Variants in ADCY3 observed in about 807,000 individuals in gnomAD.
The protein encoded by ADCY3 is adenylate cyclase type 3.
Under a neutral mutation model 119.4 loss-of-function variants are expected in ADCY3, and 70 were observed. The observed-to-expected ratio is 0.59, with a 90% CI of 0.48 to 0.72. The LOEUF is 0.72. Ranked by LOEUF, ADCY3 falls within the 30% of genes least tolerant of loss-of-function variation. The pLI, the probability that ADCY3 is intolerant of heterozygous loss-of-function variation, is 0.00. For missense variants in ADCY3, 1,238 were observed against 1,541.6 expected, an observed-to-expected ratio of 0.80 and a Z score of 3.30; for synonymous variants, 672 against 621.4, an observed-to-expected ratio of 1.08 and a Z score of -1.21.
chr2:24,879,175 T>C (rs1676072734), intron 2 of ADCY3, among the ~76,000 whole-genome samples: 1 of 152,044 alleles, frequency 6.6e-6, no homozygotes, highest in Non-Finnish European at 1.5e-5. Flanking sequence ...GCTGTTCCAG[T>C]AAGACTGAAA....
intron 3 of ADCY3, among the ~76,000 whole-genome samples, chr2:24,853,983 T>C (rs1672709063): frequency 1.3e-5 from 2 of 152,268 alleles, no homozygotes; most frequent in South Asian, 4.1e-4. Flanking sequence ...TGAATTCTTG[T>C]GATCCATTTC....
chr2:24,880,297 G>A (rs1428412833), intron 2 of ADCY3, among the ~76,000 whole-genome samples: 1 of 152,216 alleles, frequency 6.6e-6, no homozygotes, highest in African/African-American at 2.4e-5. Flanking sequence ...GCACTGCCAG[G>A]GGTGCCACTA....
intron 3 of ADCY3, among the ~76,000 whole-genome samples, chr2:24,860,587 G>A (rs1057504064): frequency 6.6e-5 from 10 of 152,226 alleles, no homozygotes; most frequent in Non-Finnish European, 8.8e-5. Flanking sequence ...ACTGGAATCT[G>A]AGACCCTTGC....
intron 3 of ADCY3, among the ~76,000 whole-genome samples, chr2:24,867,978 C>G (rs985155406): frequency 4.6e-5 from 7 of 152,074 alleles, no homozygotes; most frequent in Non-Finnish European, 8.8e-5. Context: ...GGGGCAGATG[C>G]AAATATGACA....
chr2:24,885,657 G>A (rs1676943506), intron 2 of ADCY3, among the ~76,000 whole-genome samples: 1 of 152,176 alleles, frequency 6.6e-6, no homozygotes, highest in Admixed American at 6.5e-5. Context: ...ACAGGGCTGG[G>A]GACAGACTCA....
intron 13 of ADCY3, 147 bp from the exon 14 acceptor site, chr2:24,828,308 G>A: frequency 1.0e-6 from 1 of 960,614 alleles, no homozygotes; most frequent in Non-Finnish European, 1.5e-6. Flanking sequence ...ATTTACCAGG[G>A]ACTAATCATA....
chr2:24,875,986 T>TGG (rs140150425), intron 2 of ADCY3, among the ~76,000 whole-genome samples: 3,201 of 149,094 alleles, frequency 0.021, 70 homozygotes, highest in African/African-American at 0.06. Context: ...GACTTCTTTT[T>TGG]GGGAGGGGGG....
intron 3 of ADCY3, among the ~76,000 whole-genome samples, chr2:24,859,548 G>A (rs866120686): frequency 6.6e-6 from 1 of 152,206 alleles, no homozygotes; most frequent in Non-Finnish European, 1.5e-5. Context: ...GGTCTTGGGG[G>A]AAACAGTGAC....
chr2:24,819,788 C>T lies in ADCY3; in HGVS notation c.*144G>A, dbSNP rs1572756215. Reference sequence around the variant, plus strand: ...AGCAGGGCCACCCTCAGAGCTCACACATCCACGAACAAATGAAGGCTGAGG... The same window carrying T: ...AGCAGGGCCACCCTCAGAGCTCACATATCCACGAACAAATGAAGGCTGAGG... On this transcript the variant is annotated 3_prime_UTR_variant, in exon 22 of 22. Transcript: ENST00000679454. 3.5e-6 allele frequency: 3 copies of T among 854,842 alleles called. No homozygotes were observed. The highest frequency in any genetic ancestry group is 5.5e-5 in the East Asian group (2 of 36,442). The allele number at this position is 854,842 out of a possible 1,614,324, so 53.0% of individuals were successfully genotyped here.
chr2:24,824,029 G>T (rs1283768133), intron 17 of ADCY3, among the ~76,000 whole-genome samples: 2 of 152,190 alleles, frequency 1.3e-5, no homozygotes, highest in Non-Finnish European at 2.9e-5. Flanking sequence ...AGCTTCTCTA[G>T]TTCCTCTAAC....
At chr2:24,860,818 GC>G (rs1673540253) in intron 3 of ADCY3, among the ~76,000 whole-genome samples, 1 of 152,172 alleles carries the variant, frequency 6.6e-6, no homozygotes, top group Admixed American at 6.5e-5. Context: ...AAGAGAGAGA[GC>G]GGGCTCAGGT....
chr2:24,820,204 C>T, intron 21 of ADCY3, 90 bp from the exon 22 acceptor site: 1 of 1,274,948 alleles, frequency 7.8e-7, no homozygotes, highest in Non-Finnish European at 1.1e-6. Flanking sequence ...GAGCCGAGCA[C>T]TGATCCATGG....
chr2:24,872,651 G>A lies in ADCY3; in HGVS notation c.744C>T (p.Asp248=). The part of the protein sequence containing the change: ...AVGIMSYYMA[D]RKHRKAFLEA... ...CCAGGAAGGCCTTGCGGTGCTTGCG[G>A]TCAGCCATGTAGTAGGACATGATGC... The change falls in exon 3 of 22, where the codon GAC becomes GAT. Residue 248 remains aspartate (D), a synonymous_variant. Coordinates refer to ENST00000679454, the MANE Select transcript of ADCY3 (RefSeq NM_004036.5). The surrounding 1 kb of genome is among the most constrained non-coding windows in gnomAD (Gnocchi z 4.4). 6.2e-7 allele frequency: 1 copy of A among 1,614,238 alleles called. No individual in the cohort carries two copies.
Position 24,898,298 on chromosome 2 carries a change from C to T in ADCY3, c.675+20015G>A, listed in dbSNP as rs142512497. ...GAGGCCCCCGGGGAGGCTCGAGGAC[C>T]GCCTTTCCATCACCGTGGGGTGAGC... On this transcript the variant is annotated intron_variant, in intron 2 of 21. Coordinates refer to ENST00000679454, the MANE Select transcript of ADCY3 (RefSeq NM_004036.5). This position sits in a 1 kb window ranked among gnomAD's most constrained non-coding sequence, Gnocchi z 4.3. 1.8e-4 allele frequency among the ~76,000 whole-genome samples: 28 copies of T among 152,232 alleles called. No homozygotes were observed. Among genetic ancestry groups the T allele is most frequent in the African/African-American group, 6.5e-4 (27 of 41,542 alleles).
In ADCY3 at chr2:24,834,440, AC is replaced by A. The variant is rs747696091; in HGVS notation, c.1967+44del. On this transcript the variant is annotated intron_variant, in intron 11 of 21. Coordinates refer to ENST00000679454, the MANE Select transcript of ADCY3 (RefSeq NM_004036.5). The surrounding 1 kb of genome is among the most constrained non-coding windows in gnomAD (Gnocchi z 4.2). ...CTGCCCCCGCCCCCCGCCCGGCACC[AC>A]CGCAGCCGAGGAAACTCGTGGCCCT... 8 of 875,136 alleles carry A rather than the reference AC, an allele frequency of 9.1e-6. No individual in the cohort carries two copies. The highest frequency in any genetic ancestry group is 1.3e-5 in the Non-Finnish European group (8 of 633,172). The allele number at this position is 875,136 out of a possible 1,614,324, so 54.2% of individuals were successfully genotyped here. A position where few individuals can be genotyped will look rare whatever the true frequency, so the allele number is the denominator to read the frequency against.
intron 2 of ADCY3, among the ~76,000 whole-genome samples, chr2:24,874,354 A>C (rs1053173249): frequency 6.6e-6 from 1 of 152,158 alleles, no homozygotes; most frequent in Non-Finnish European, 1.5e-5. Context: ...TTTGTGGGGC[A>C]AGTCTGTTGG....
At chr2:24,874,886 C>T (rs1034685741) in intron 2 of ADCY3, among the ~76,000 whole-genome samples, 5 of 152,240 alleles carry the variant, frequency 3.3e-5, no homozygotes, top group African/African-American at 4.8e-5. Flanking sequence ...GAAAGAAATA[C>T]TGTCCTACAT....
chr2:24,828,085 T>C lies in ADCY3; in HGVS notation c.2249A>G (p.Asn750Ser), dbSNP rs146981649. 1.1e-4 allele frequency: 170 copies of C among 1,613,998 alleles called. 1 individual carries two copies. The highest frequency in any genetic ancestry group is 9.7e-5 in the Non-Finnish European group (115 of 1,180,020). The change falls in exon 14 of 22, where the codon AAC becomes AGC. Residue 750 changes from asparagine to serine, a missense_variant. Asn to Ser is a conservative substitution (Grantham distance 46). This residue lies in a region of ADCY3 where 499 missense variants were observed against 571.0 expected (regional missense o/e 0.87). Coordinates refer to ENST00000679454, the MANE Select transcript of ADCY3 (RefSeq NM_004036.5). ...GMETEGSCLE[N>S]PKYYNYVAVL... is the part of the protein sequence containing the mutation. Reference sequence around the variant, plus strand: ...GGCCACATAGTTGTAATACTTGGGGTTCTCCAGGCAGCTGCCCTCCGTTTC... The same window carrying C: ...GGCCACATAGTTGTAATACTTGGGGCTCTCCAGGCAGCTGCCCTCCGTTTC...
chr2:24,834,987 G>C lies in ADCY3; in HGVS notation c.1663-51C>G. 6.3e-7 allele frequency: 1 copy of C among 1,584,074 alleles called. No homozygotes were observed. ...TGGGGCAGATGGGACAGAGTGGTGG[G>C]GAAGAGCTGGGAAAGACAGAGGTGG... On this transcript the variant is annotated intron_variant, in intron 9 of 21. Coordinates refer to ENST00000679454, the MANE Select transcript of ADCY3 (RefSeq NM_004036.5). This position sits in a 1 kb window ranked among gnomAD's most constrained non-coding sequence, Gnocchi z 4.2.
Sources: allele counts gnomAD v4.1 joint callset (sites outside exome capture counted in the v4.1 genomes callset), GRCh38; gene constraint gnomAD v4.1.1; regional missense constraint gnomAD v4.1.1; non-coding constraint Gnocchi (gnomAD v3.1); transcripts MANE v1.5; gene names NCBI Gene and HGNC (gene_info 2026-07-23, HGNC 2026-07-21).